The following ERC2 variants were observed in gnomAD, a reference collection of about 807,000 sequenced individuals.
ERC2 encodes ELKS/RAB6-interacting/CAST family member 2, also known as ERC protein 2.
A neutral mutation model predicts 114.8 loss-of-function variants in ERC2; 42 were observed. The observed-to-expected ratio is 0.37, with a 90% confidence interval of 0.29 to 0.47. ERC2 has a LOEUF of 0.47. Ranked by LOEUF, ERC2 falls within the 20% of genes least tolerant of loss-of-function variation. The probability of loss-of-function intolerance (pLI) is 0.99; values close to 1 mark genes in which losing one functional copy is unlikely to be tolerated. For synonymous variants in ERC2, 454 were observed against 425.5 expected (o/e 1.07, Z -0.82); for missense variants, 939 against 1,150.7 (o/e 0.82, Z 2.66).
intron 2 of ERC2, among the ~76,000 whole-genome samples, chr3:56,353,263 G>C (rs2058618355): frequency 6.6e-6 from 1 of 151,616 alleles, no homozygotes; most frequent in Non-Finnish European, 1.5e-5. Flanking sequence ...ATCCCTCTCA[G>C]TTCAATCTCT....
chr3:56,081,618 C>T (rs916361155), intron 6 of ERC2, among the ~76,000 whole-genome samples: 1 of 151,734 alleles, frequency 6.6e-6, no homozygotes, highest in Admixed American at 6.6e-5. Flanking sequence ...TGTAACTCAG[C>T]TCTAAAATTT....
At chr3:56,463,056 A>C (rs1050391139) in intron 1 of ERC2, among the ~76,000 whole-genome samples, 1 of 152,062 alleles carries the variant, frequency 6.6e-6, no homozygotes, top group Non-Finnish European at 1.5e-5. Context: ...GGGAAATCTC[A>C]TCTTTACAAA....
chr3:55,959,294 T>C (rs908810674), intron 12 of ERC2, among the ~76,000 whole-genome samples: 4 of 152,140 alleles, frequency 2.6e-5, no homozygotes, highest in Non-Finnish European at 1.5e-5. Context: ...TCTAACATTC[T>C]CCCGTATTCT....
intron 13 of ERC2, among the ~76,000 whole-genome samples, chr3:55,947,861 G>GAAAACAAT (rs1436612773): frequency 6.6e-6 from 1 of 152,154 alleles, no homozygotes; most frequent in Non-Finnish European, 1.5e-5. Context: ...AAAACAGGCA[G>GAAAACAAT]AAAGAACCAG....
chr3:56,206,232 C>T (rs2048727774), intron 3 of ERC2, among the ~76,000 whole-genome samples: 2 of 151,866 alleles, frequency 1.3e-5, no homozygotes, highest in Non-Finnish European at 2.9e-5. Flanking sequence ...CACATACACA[C>T]CAAGCCAGGG....
chr3:55,801,697 C>G (rs910968650), intron 14 of ERC2, among the ~76,000 whole-genome samples: 1 of 152,206 alleles, frequency 6.6e-6, no homozygotes, highest in East Asian at 1.9e-4. Context: ...GGAAGTAGGA[C>G]TGGCTATAAT....
chr3:55,797,266 G>A (rs984096847), intron 14 of ERC2, among the ~76,000 whole-genome samples: 6 of 152,106 alleles, frequency 3.9e-5, no homozygotes, highest in African/African-American at 1.4e-4. Context: ...CCAAAACTGA[G>A]CTGAAACAAG....
chr3:56,244,616 A>G (rs1039238996), intron 3 of ERC2, among the ~76,000 whole-genome samples: 4 of 152,208 alleles, frequency 2.6e-5, no homozygotes, highest in African/African-American at 9.6e-5. Flanking sequence ...CAAAAAAGTT[A>G]AAACAGTAAA....
intron 14 of ERC2, among the ~76,000 whole-genome samples, chr3:55,885,598 G>T (rs1162049726): frequency 6.6e-6 from 1 of 152,174 alleles, no homozygotes; most frequent in African/African-American, 2.4e-5. Flanking sequence ...ACCAAAAGAG[G>T]TCTTAGTTAG....
rs117527383 is a variant in ERC2, at chr3:55,513,239, G to A, written c.*40-1963C>T. Among the ~76,000 whole-genome samples the A allele has an allele frequency of 6.7e-4, 102 of 152,300 alleles. No homozygotes were observed. The East Asian group carries it at 0.017, about 25-fold the overall frequency. On this transcript the variant is annotated intron_variant, in intron 17 of 17. Transcript: ENST00000288221. The stretch of plus-strand genomic sequence containing the variant: ...TGTTTACAACCCTGTTTATAATCCC[G>A]TTGCCCTGAGAATGCAGGACTGATG...
chr3:55,857,152 G>T (rs560963962), intron 14 of ERC2, among the ~76,000 whole-genome samples: 10 of 152,168 alleles, frequency 6.6e-5, no homozygotes, highest in Admixed American at 2.0e-4. Flanking sequence ...CTTTATATTG[G>T]TTACAAGGGT....
chr3:56,032,739 C>G (rs1297956368), intron 7 of ERC2, among the ~76,000 whole-genome samples: 1 of 151,568 alleles, frequency 6.6e-6, no homozygotes, highest in African/African-American at 2.4e-5. Context: ...TGGCACATTC[C>G]TGTACTACCA....
At chr3:56,228,905 G>A (rs1242407795) in intron 3 of ERC2, among the ~76,000 whole-genome samples, 1 of 152,100 alleles carries the variant, frequency 6.6e-6, no homozygotes, top group African/African-American at 2.4e-5. Context: ...CTTTTTGGGG[G>A]ATGGGGTAGG....
At position 55,606,018 on chromosome 3, in the gene ERC2, G is replaced by A. The variant is rs1029001772; in HGVS notation, c.*39+77776C>T. ...AGACCCAGGAGAGTTGAGTACAGACGGTTGCACAAGAAGCATAAGGCCAAT... is the reference window on the plus strand; with the variant it reads ...AGACCCAGGAGAGTTGAGTACAGACAGTTGCACAAGAAGCATAAGGCCAAT... On this transcript the variant is annotated intron_variant, in intron 17 of 17. Coordinates refer to ENST00000288221, the MANE Select transcript of ERC2 (RefSeq NM_015576.3). 5.3e-5 allele frequency among the ~76,000 whole-genome samples: 8 copies of A among 152,278 alleles called. No individual in the cohort carries two copies. In the East Asian group the frequency reaches 1.2e-3, roughly 22 times the overall value.
intron 14 of ERC2, among the ~76,000 whole-genome samples, chr3:55,883,083 A>G (rs556096745): frequency 1.4e-4 from 22 of 152,380 alleles, no homozygotes; most frequent in Non-Finnish European, 2.6e-4. Context: ...TTCATCTAAA[A>G]GAGTACCTAG....
intron 6 of ERC2, among the ~76,000 whole-genome samples, chr3:56,084,348 C>T (rs562116186): frequency 6.6e-6 from 1 of 152,268 alleles, no homozygotes; most frequent in South Asian, 2.1e-4. Flanking sequence ...TTCCATCCCA[C>T]TACTGGGTAT....
chr3:56,099,046 C>T (rs1414522005), intron 6 of ERC2, among the ~76,000 whole-genome samples: 3 of 152,176 alleles, frequency 2.0e-5, no homozygotes, highest in African/African-American at 7.2e-5. Flanking sequence ...ATTAGATCAT[C>T]CTGGATTATC....
intron 2 of ERC2, among the ~76,000 whole-genome samples, chr3:56,359,663 T>C (rs973681463): frequency 2.0e-5 from 3 of 152,242 alleles, no homozygotes; most frequent in Non-Finnish European, 4.4e-5. Flanking sequence ...AAGAGGTTTA[T>C]TCGACTCATG....
chr3:55,793,676 A>G (rs938035132), intron 14 of ERC2, among the ~76,000 whole-genome samples: 2 of 152,216 alleles, frequency 1.3e-5, no homozygotes, highest in African/African-American at 4.8e-5. Context: ...AGCAGAAATA[A>G]TTTACACTGA....
Sources: gnomAD v4.1 joint callset for allele counts (sites outside exome capture counted in the v4.1 genomes callset) on GRCh38, gnomAD v4.1.1 for gene constraint, MANE v1.5 for transcripts, NCBI Gene and HGNC (gene_info 2026-07-23, HGNC 2026-07-21) for gene names.